KIF26B: variants seen among roughly 807,000 people sequenced by gnomAD.
KIF26B encodes the protein kinesin family member 26B.
A neutral mutation model predicts 151.2 loss-of-function variants in KIF26B; 63 were observed. That is an observed-to-expected ratio of 0.42 (90% confidence interval 0.34 to 0.51). KIF26B has a LOEUF of 0.51. Ranked by LOEUF, KIF26B falls within the 20% of genes least tolerant of loss-of-function variation. KIF26B has a pLI of 0.07. For missense variants in KIF26B, 2,813 were observed against 2,913.6 expected (o/e 0.97, Z 0.79); for synonymous variants, 1,357 against 1,262.1 (o/e 1.08, Z -1.59).
At chr1:245,657,969 T>A (rs1005871829) in intron 10 of KIF26B, among the ~76,000 whole-genome samples, 1 of 152,198 alleles carries the variant, frequency 6.6e-6, no homozygotes, top group East Asian at 1.9e-4. Context: ...TGTGTGATCG[T>A]CTGCCTTCCG....
At chr1:245,411,948 A>G (rs1173645) in intron 3 of KIF26B, among the ~76,000 whole-genome samples, 73,785 of 152,044 alleles carry the variant, frequency 0.49, 18,587 homozygotes, top group South Asian at 0.64. Context: ...CATCGGCGTG[A>G]TCAACTCTAC....
chr1:245,466,583 G>A (rs1268275846), intron 4 of KIF26B, among the ~76,000 whole-genome samples: 2 of 152,182 alleles, frequency 1.3e-5, no homozygotes, highest in African/African-American at 2.4e-5. Context: ...CAGTTGTGAG[G>A]ATCTTGACTT....
intron 4 of KIF26B, among the ~76,000 whole-genome samples, chr1:245,490,312 T>G (rs1188801311): frequency 1.4e-5 from 2 of 142,210 alleles, no homozygotes; most frequent in Non-Finnish European, 3.1e-5. Flanking sequence ...GAACATTTTT[T>G]TTTTTTTTTT....
chr1:245,336,363 T>TTAC (rs1347826890), intron 2 of KIF26B, among the ~76,000 whole-genome samples: 1 of 152,158 alleles, frequency 6.6e-6, no homozygotes, highest in East Asian at 1.9e-4. Context: ...GGAGACCCGC[T>TTAC]TGTAGGATTT....
chr1:245,458,095 G>T (rs1659578074), intron 4 of KIF26B, among the ~76,000 whole-genome samples: 1 of 152,150 alleles, frequency 6.6e-6, no homozygotes, highest in Non-Finnish European at 1.5e-5. Context: ...GGTTTTATAT[G>T]ATTCCACACA....
chr1:245,314,474 A>G (rs939566152), intron 2 of KIF26B, among the ~76,000 whole-genome samples: 6 of 152,146 alleles, frequency 3.9e-5, no homozygotes, highest in Non-Finnish European at 7.4e-5. Flanking sequence ...AAGCAAACAA[A>G]CAAACAGCCC....
At chr1:245,198,128 TGA>T (rs1669225749) in intron 2 of KIF26B, among the ~76,000 whole-genome samples, 1 of 152,242 alleles carries the variant, frequency 6.6e-6, no homozygotes, top group Non-Finnish European at 1.5e-5. Context: ...GCTGCCTCAC[TGA>T]GGCATTGTGC....
intron 2 of KIF26B, among the ~76,000 whole-genome samples, chr1:245,305,656 A>AG (rs1487797435): frequency 6.6e-6 from 1 of 152,136 alleles, no homozygotes; most frequent in Non-Finnish European, 1.5e-5. Context: ...ATGTGAAATG[A>AG]GGCCGGTCGC....
At chr1:245,420,390 G>A (rs1056084926) in intron 4 of KIF26B, among the ~76,000 whole-genome samples, 2 of 152,246 alleles carry the variant, frequency 1.3e-5, no homozygotes, top group Non-Finnish European at 2.9e-5. Context: ...GGACTTCAGG[G>A]ATTGTCTGGT....
intron 4 of KIF26B, among the ~76,000 whole-genome samples, chr1:245,461,824 T>C (rs1277385905): frequency 2.0e-5 from 3 of 152,164 alleles, no homozygotes; most frequent in African/African-American, 7.2e-5. Flanking sequence ...CTCTGACACT[T>C]AATTTTAGGC....
At chr1:245,620,433 T>C (rs2043645535) in intron 9 of KIF26B, among the ~76,000 whole-genome samples, 1 of 152,104 alleles carries the variant, frequency 6.6e-6, no homozygotes, top group Admixed American at 6.6e-5. Flanking sequence ...AGGGTCTCAC[T>C]CTGTCACCCA....
intron 4 of KIF26B, among the ~76,000 whole-genome samples, chr1:245,464,895 C>G (rs1659744410): frequency 6.6e-6 from 1 of 151,990 alleles, no homozygotes; most frequent in African/African-American, 2.4e-5. Context: ...GAGCCAGAGG[C>G]CGGGGTTCGA....
At chr1:245,161,085 A>C (rs1390189700) in intron 2 of KIF26B, among the ~76,000 whole-genome samples, 2 of 152,258 alleles carry the variant, frequency 1.3e-5, no homozygotes, top group African/African-American at 4.8e-5. Context: ...GGCTATTTTC[A>C]AAAAGCTTCA....
At chr1:245,444,101 CCTCACTGTTCACCTAGAGCG>C in intron 4 of KIF26B, among the ~76,000 whole-genome samples, 1 of 137,398 alleles carries the variant, frequency 7.3e-6, no homozygotes, top group South Asian at 2.7e-4. Flanking sequence ...CGGTCATCTC[CCTCACTGTTCACCTAGAGCG>C]GTCATCTCCC....
chr1:245,313,581 T>G (rs1358372697), intron 2 of KIF26B, among the ~76,000 whole-genome samples: 1 of 152,224 alleles, frequency 6.6e-6, no homozygotes. Flanking sequence ...CCACATGGTC[T>G]GCAGGTCTGA....
At chr1:245,388,100 G>A (rs958356530) in intron 3 of KIF26B, among the ~76,000 whole-genome samples, 9 of 152,280 alleles carry the variant, frequency 5.9e-5, no homozygotes, top group East Asian at 5.8e-4. Flanking sequence ...CAGAAGTGAC[G>A]TGGAAGCTAT....
At chr1:245,671,356 T>A (rs547635512) in intron 10 of KIF26B, among the ~76,000 whole-genome samples, 10 of 152,244 alleles carry the variant, frequency 6.6e-5, no homozygotes, top group Non-Finnish European at 8.8e-5. Flanking sequence ...CTTGCAAGCA[T>A]GTTGAGTAAC....
chr1:245,368,924 C>T (rs1203422406), intron 3 of KIF26B, among the ~76,000 whole-genome samples: 3 of 152,174 alleles, frequency 2.0e-5, no homozygotes, highest in Middle Eastern at 3.4e-3. Context: ...TGCTTGAGTA[C>T]AGGAGTTGAA....
chr1:245,593,090 G>A (rs933814509), intron 5 of KIF26B, among the ~76,000 whole-genome samples: 2 of 152,058 alleles, frequency 1.3e-5, no homozygotes, highest in African/African-American at 4.8e-5. Context: ...ATCTTCCTTT[G>A]GAAGAAGCAA....
Sources: gnomAD v4.1 joint callset for allele counts (sites outside exome capture counted in the v4.1 genomes callset) on GRCh38, gnomAD v4.1.1 for gene constraint, MANE v1.5 for transcripts, NCBI Gene and HGNC (gene_info 2026-07-23, HGNC 2026-07-21) for gene names.